NOX4: variants seen among roughly 807,000 people sequenced by gnomAD.
The protein encoded by NOX4 is NADPH oxidase 4.
A neutral mutation model predicts 87.6 loss-of-function variants in NOX4; 69 were observed. That is an observed-to-expected ratio of 0.79 (90% CI 0.65 to 0.96). The LOEUF is 0.96. Among genes scored for constraint, NOX4 ranks in the 40% least tolerant of loss-of-function variants. The pLI, the probability that NOX4 is intolerant of heterozygous loss-of-function variation, is 0.00. For synonymous variants in NOX4, 275 were observed against 238.2 expected, an observed-to-expected ratio of 1.15 and a Z score of -1.42; for missense variants, 680 against 681.5, an observed-to-expected ratio of 1.00 and a Z score of 0.02.
chr11:89,461,883 C>A, intron 2 of NOX4, among the ~76,000 whole-genome samples: 1 of 151,506 alleles, frequency 6.6e-6, no homozygotes, highest in Non-Finnish European at 1.5e-5. Flanking sequence ...AACATAATAC[C>A]ACTATGTGAG....
At chr11:89,541,790 T>A in the NOX4 span, among the ~76,000 whole-genome samples, 1 of 152,182 alleles carries the variant, frequency 6.6e-6, no homozygotes, top group Non-Finnish European at 1.5e-5. Context: ...CAAAAATCTC[T>A]GTAGCAAGAG....
chr11:89,543,584 T>C, the NOX4 span, among the ~76,000 whole-genome samples: 1 of 152,082 alleles, frequency 6.6e-6, no homozygotes, highest in Non-Finnish European at 1.5e-5. Flanking sequence ...GATAGAATGA[T>C]AAATATGCAA....
the NOX4 span, among the ~76,000 whole-genome samples, chr11:89,506,297 A>AAGAAAGAGAAAGAGAAAG: frequency 6.9e-6 from 1 of 144,862 alleles, no homozygotes; most frequent in Non-Finnish European, 1.5e-5. Flanking sequence ...GAAAGAAAGA[A>AAGAAAGAGAAAGAGAAAG]AGAAAGAGAG....
At chr11:89,433,669 T>C (rs1943930074) in intron 6 of NOX4, among the ~76,000 whole-genome samples, 2 of 152,098 alleles carry the variant, frequency 1.3e-5, no homozygotes. Context: ...ACTACAATGT[T>C]GATGTTTTAA....
chr11:89,348,212 C>T (rs569296768), intron 13 of NOX4, among the ~76,000 whole-genome samples: 1 of 152,038 alleles, frequency 6.6e-6, no homozygotes, highest in Admixed American at 6.5e-5. Context: ...ATCAGGAGTT[C>T]AAGACTAGCC....
intron 7 of NOX4, among the ~76,000 whole-genome samples, chr11:89,432,555 C>A (rs1456195581): frequency 6.6e-6 from 1 of 152,020 alleles, no homozygotes; most frequent in Non-Finnish European, 1.5e-5. Context: ...TTCTTTTGAT[C>A]ATCAAATGCA....
chr11:89,396,347 T>C (rs960197070), intron 11 of NOX4, among the ~76,000 whole-genome samples: 16 of 152,302 alleles, frequency 1.1e-4, no homozygotes, highest in African/African-American at 3.6e-4. Flanking sequence ...TTTTTGCACA[T>C]TGATTTTGTA....
At chr11:89,472,429 T>C (rs1457393036) in intron 2 of NOX4, among the ~76,000 whole-genome samples, 1 of 152,180 alleles carries the variant, frequency 6.6e-6, no homozygotes, top group Non-Finnish European at 1.5e-5. Context: ...GGTGTAATTT[T>C]TTTTTCATAA....
intron 17 of NOX4, 123 bp from the exon 18 acceptor site, chr11:89,326,999 T>G: frequency 1.2e-6 from 1 of 849,252 alleles, no homozygotes; most frequent in Non-Finnish European, 1.8e-6. Flanking sequence ...TTTTACATAT[T>G]GAAAACAATT....
chr11:89,386,884 T>C (rs1940749513), intron 11 of NOX4, among the ~76,000 whole-genome samples: 1 of 152,098 alleles, frequency 6.6e-6, no homozygotes, highest in Non-Finnish European at 1.5e-5. Flanking sequence ...TTTTTCTCCT[T>C]CTCTTATTTG....
At chr11:89,465,777 T>C (rs1945664399) in intron 2 of NOX4, among the ~76,000 whole-genome samples, 2 of 152,090 alleles carry the variant, frequency 1.3e-5, no homozygotes, top group African/African-American at 4.8e-5. Context: ...ATAAATGTCT[T>C]CTTTTAAGAA....
At chr11:89,327,943 G>A (rs1945287290) in intron 17 of NOX4, among the ~76,000 whole-genome samples, 1 of 152,090 alleles carries the variant, frequency 6.6e-6, no homozygotes, top group African/African-American at 2.4e-5. Flanking sequence ...TGAATAATAG[G>A]TAGCATGGAA....
the NOX4 span, among the ~76,000 whole-genome samples, chr11:89,570,011 AAAAAAAG>A: frequency 1.3e-5 from 2 of 151,256 alleles, no homozygotes; most frequent in Non-Finnish European, 3.0e-5. Flanking sequence ...CAAAAAAAAA[AAAAAAAG>A]AAAAAAGAAT....
chr11:89,402,275 C>A (rs1411584821), intron 9 of NOX4, 51 bp downstream of exon 9: 2 of 1,294,108 alleles, frequency 1.5e-6, no homozygotes, highest in Non-Finnish European at 2.2e-6. Flanking sequence ...TGATGTTGAT[C>A]AGTCAAATGG....
At chr11:89,357,168 A>G (rs1336767518) in intron 12 of NOX4, among the ~76,000 whole-genome samples, 1 of 152,236 alleles carries the variant, frequency 6.6e-6, no homozygotes, top group Non-Finnish European at 1.5e-5. Flanking sequence ...TTTTATCTTC[A>G]TATTTATTAA....
the NOX4 span, among the ~76,000 whole-genome samples, chr11:89,509,433 A>G: frequency 6.6e-6 from 1 of 151,984 alleles, no homozygotes; most frequent in African/African-American, 2.4e-5. Context: ...AATTGTCTGA[A>G]ATTACAAAGA....
rs750707524 is a variant in NOX4 at position 89,402,428 on chromosome 11, A to G, written c.744T>C (p.His248=). The G allele has an allele frequency of 3.1e-6, 5 of 1,613,166 alleles. No individual in the cohort carries two copies. The highest frequency in any genetic ancestry group is 3.4e-6 in the Non-Finnish European group (4 of 1,179,598). Residue 248 remains histidine, a synonymous_variant, in exon 9 of 18, where the codon CAT becomes CAC. Coordinates refer to ENST00000263317, the MANE Select transcript of NOX4 (RefSeq NM_016931.5). ...TTGAAAATCCTTCAGGGAAAGGTTC[A>G]TGAAAATGTTCTGAGAAATACTCTG... The part of the protein sequence containing the change: ...SLPEYFSEHF[H]EPFPEGFSKP...
intron 15 of NOX4, 47 bp from the exon 16 acceptor site, chr11:89,337,562 T>A (rs1945770181): frequency 6.3e-7 from 1 of 1,598,786 alleles, no homozygotes; most frequent in Non-Finnish European, 8.5e-7. Context: ...TCTGTGGGTA[T>A]ACTCAGATTT....
intron 11 of NOX4, among the ~76,000 whole-genome samples, chr11:89,376,008 C>T (rs1939813018): frequency 6.6e-6 from 1 of 152,194 alleles, no homozygotes; most frequent in Non-Finnish European, 1.5e-5. Flanking sequence ...TCAATTATTT[C>T]AAAGCAGATA....
Sources: gnomAD v4.1 joint callset for allele counts (sites outside exome capture counted in the v4.1 genomes callset) on GRCh38, gnomAD v4.1.1 for gene constraint, MANE v1.5 for transcripts, NCBI Gene and HGNC (gene_info 2026-07-23, HGNC 2026-07-21) for gene names.